Variants in NLGN1 observed in about 807,000 individuals in gnomAD.
The protein encoded by NLGN1 is neuroligin-1.
A neutral mutation model predicts 65.5 loss-of-function variants in NLGN1; 12 were observed. The observed-to-expected ratio is 0.18, with a 90% CI of 0.12 to 0.30. NLGN1 has a LOEUF of 0.30. Among genes scored for constraint, NLGN1 ranks in the 10% least tolerant of loss-of-function variants. NLGN1 has a pLI of 1.00. For missense variants in NLGN1, 750 were observed against 1,007.1 expected, an observed-to-expected ratio of 0.74 and a Z score of 3.46; for synonymous variants, 350 against 359.5, an observed-to-expected ratio of 0.97 and a Z score of 0.30.
At chr3:173,528,909 C>G (rs1001050879) in intron 2 of NLGN1, among the ~76,000 whole-genome samples, 14 of 152,048 alleles carry the variant, frequency 9.2e-5, no homozygotes, top group African/African-American at 3.4e-4. Flanking sequence ...TTCTTACAAT[C>G]TATACTTTGA....
At chr3:173,827,148 A>G (rs1029674831) in intron 4 of NLGN1, among the ~76,000 whole-genome samples, 1 of 152,086 alleles carries the variant, frequency 6.6e-6, no homozygotes, top group Non-Finnish European at 1.5e-5. Flanking sequence ...AAGGTCAGAA[A>G]AAAACAAGTT....
At chr3:173,449,038 A>G (rs1720958388) in intron 2 of NLGN1, among the ~76,000 whole-genome samples, 3 of 152,086 alleles carry the variant, frequency 2.0e-5, no homozygotes, top group African/African-American at 7.3e-5. Context: ...GATTTTTTGA[A>G]GGGTTTTTTG....
At chr3:173,617,886 C>T (rs957231074) in intron 3 of NLGN1, among the ~76,000 whole-genome samples, 2 of 152,118 alleles carry the variant, frequency 1.3e-5, no homozygotes, top group Non-Finnish European at 1.5e-5. Flanking sequence ...TATTCAACCC[C>T]AATTTCCCTC....
intron 1 of NLGN1, among the ~76,000 whole-genome samples, chr3:173,417,093 T>C (rs1381103514): frequency 6.6e-6 from 1 of 151,816 alleles, no homozygotes; most frequent in Admixed American, 6.6e-5. Flanking sequence ...ATGCATGTTA[T>C]TTTTTTCATA....
intron 4 of NLGN1, among the ~76,000 whole-genome samples, chr3:173,913,051 A>G (rs532124612): frequency 6.6e-6 from 1 of 152,188 alleles, no homozygotes; most frequent in Non-Finnish European, 1.5e-5. Flanking sequence ...TCTTCCACTT[A>G]AGAATACCCA....
At chr3:173,725,404 G>A (rs1241419359) in intron 3 of NLGN1, among the ~76,000 whole-genome samples, 2 of 152,158 alleles carry the variant, frequency 1.3e-5, no homozygotes, top group Non-Finnish European at 2.9e-5. Flanking sequence ...GAAGAGATTA[G>A]TTCCAAGAAC....
chr3:173,909,129 T>C (rs182029583), intron 4 of NLGN1, among the ~76,000 whole-genome samples: 9 of 152,228 alleles, frequency 5.9e-5, no homozygotes, highest in Admixed American at 5.2e-4. Context: ...ATAACTAGTA[T>C]GAATTGTATT....
intron 3 of NLGN1, among the ~76,000 whole-genome samples, chr3:173,801,035 G>C (rs116938421): frequency 6.6e-6 from 1 of 151,872 alleles, no homozygotes; most frequent in African/African-American, 2.4e-5. Flanking sequence ...TATTTTCTTA[G>C]ACAAGATTCA....
At chr3:173,535,940 T>C (rs989766335) in intron 2 of NLGN1, among the ~76,000 whole-genome samples, 1 of 152,190 alleles carries the variant, frequency 6.6e-6, no homozygotes, top group East Asian at 1.9e-4. Context: ...CTGAGACATA[T>C]TAACTCGTTT....
rs114680539 is a variant in NLGN1, at chr3:173,401,678, C to T, written c.-390+3191C>T. ...TAGGGTGACATTTTACTACCCTCAA[C>T]AAAATCAGAATCTACAAGAAAAGAA... On this transcript the variant is annotated intron_variant, in intron 1 of 6. Transcript: ENST00000457714. Among the ~76,000 whole-genome samples the T allele has an allele frequency of 5.6e-3, 853 of 152,122 alleles. 11 individuals carry two copies. The highest frequency in any genetic ancestry group is 0.019 in the African/African-American group (799 of 41,498).
At position 173,466,231 on chromosome 3, in the gene NLGN1, G is replaced by GT. The variant is rs539669312; in HGVS notation, c.-321+31154dup. ...CAATCAAAACCAAGATATCTAAGCTGTGGAGCCTGAGATCTGTTTTGAATA... is the reference window on the plus strand; with the variant it reads ...CAATCAAAACCAAGATATCTAAGCTGTTGGAGCCTGAGATCTGTTTTGAATA... On this transcript the variant is annotated intron_variant, in intron 2 of 6. Transcript: ENST00000457714. Among the ~76,000 whole-genome samples, 40 of 152,290 alleles carry GT rather than the reference G, an allele frequency of 2.6e-4. No homozygotes were observed. The South Asian group carries it at 7.9e-3, about 30-fold the overall frequency.
intron 2 of NLGN1, among the ~76,000 whole-genome samples, chr3:173,488,921 A>C (rs1348536072): frequency 7.0e-6 from 1 of 142,968 alleles, no homozygotes; most frequent in Non-Finnish European, 1.5e-5. Flanking sequence ...TTTAATTTCT[A>C]TCTCTTTATT....
chr3:173,547,421 A>G (rs1740052327), intron 2 of NLGN1, among the ~76,000 whole-genome samples: 1 of 152,188 alleles, frequency 6.6e-6, no homozygotes, highest in South Asian at 2.1e-4. Flanking sequence ...TGCCTTTGAT[A>G]AATGAATGTG....
At chr3:174,084,382 G>T (rs186943392) in intron 4 of NLGN1, among the ~76,000 whole-genome samples, 2 of 151,952 alleles carry the variant, frequency 1.3e-5, no homozygotes, top group Admixed American at 1.3e-4. Context: ...AAAAATTAAC[G>T]TATCTTCACA....
intron 4 of NLGN1, among the ~76,000 whole-genome samples, chr3:174,106,006 A>G (rs1464960047): frequency 6.6e-6 from 1 of 152,142 alleles, no homozygotes; most frequent in Admixed American, 6.6e-5. Context: ...TTGAGAATCT[A>G]TATTTTACTT....
chr3:173,506,196 C>G (rs368093647), intron 2 of NLGN1, among the ~76,000 whole-genome samples: 122 of 151,906 alleles, frequency 8.0e-4, no homozygotes, highest in African/African-American at 2.7e-3. Flanking sequence ...AACATACTTA[C>G]GAGAGAAAAG....
At chr3:173,879,091 G>A (rs1282571004) in intron 4 of NLGN1, among the ~76,000 whole-genome samples, 1 of 152,014 alleles carries the variant, frequency 6.6e-6, no homozygotes, top group Non-Finnish European at 1.5e-5. Flanking sequence ...AAGTTAGCTG[G>A]GCATGGTGGC....
At chr3:173,525,707 T>A (rs1223817944) in intron 2 of NLGN1, among the ~76,000 whole-genome samples, 1 of 152,158 alleles carries the variant, frequency 6.6e-6, no homozygotes, top group African/African-American at 2.4e-5. Context: ...ATTTGAGATC[T>A]TTCTATCTTT....
At chr3:173,965,639 TATC>T (rs1714672952) in intron 4 of NLGN1, among the ~76,000 whole-genome samples, 1 of 152,066 alleles carries the variant, frequency 6.6e-6, no homozygotes, top group Admixed American at 6.6e-5. Context: ...AAACATTTAT[TATC>T]ATCTCAAAGG....
Sources: gnomAD v4.1 joint callset for allele counts (sites outside exome capture counted in the v4.1 genomes callset) on GRCh38, gnomAD v4.1.1 for gene constraint, MANE v1.5 for transcripts, NCBI Gene and HGNC (gene_info 2026-07-23, HGNC 2026-07-21) for gene names.